The following PAPLN variants were observed in gnomAD, a reference collection of about 807,000 sequenced individuals.
The protein encoded by PAPLN is papilin.
A neutral mutation model predicts 159.0 loss-of-function variants in PAPLN; 146 were observed. The ratio of observed to expected loss-of-function variants is 0.92; its 90% CI spans 0.80 to 1.05. The LOEUF (loss-of-function observed/expected upper bound fraction) is 1.05. Among genes scored for constraint, PAPLN ranks in the 50% least tolerant of loss-of-function variants. The pLI, the probability that PAPLN is intolerant of heterozygous loss-of-function variation, is 0.00. For missense variants in PAPLN, 1,720 were observed against 1,743.9 expected, an observed-to-expected ratio of 0.99 and a Z score of 0.24; for synonymous variants, 734 against 702.9, an observed-to-expected ratio of 1.04 and a Z score of -0.70.
In PAPLN at chr14:73,272,497, C is replaced by T; in HGVS notation, c.3670C>T (p.Pro1224Ser). 2.6e-6 allele frequency: 4 copies of T among 1,533,642 alleles called. No individual in the cohort carries two copies. The highest frequency in any genetic ancestry group is 3.5e-6 in the Non-Finnish European group (4 of 1,127,602). ...CTCTCTCCCCTGTCGTTCTGCAGCA[C>T]CCACCGCCCAGCCCAGGGACCCTGG... Reference protein sequence around the residue: ...STEVKVVSPAPTAQPRDPGRD... With the variant: ...STEVKVVSPASTAQPRDPGRD... The change falls in exon 27 of 27, where the codon CCC becomes TCC. Residue 1224 changes from proline (P) to serine (S), a missense_variant and splice_region_variant. Physicochemically the swap from Pro to Ser is moderately conservative, Grantham distance 74. Transcript: ENST00000644200.
At chr14:73,239,916 C>A in intron 2 of PAPLN, 84 bp downstream of exon 2, 2 of 1,473,768 alleles carry the variant, frequency 1.4e-6, no homozygotes, top group South Asian at 1.3e-5. Context: ...GCAACGTCCC[C>A]AGGAAAGGGG....
intron 9 of PAPLN, 39 bp from the exon 10 acceptor site, chr14:73,251,979 C>T (rs765241574): frequency 1.3e-6 from 2 of 1,581,124 alleles, no homozygotes; most frequent in Non-Finnish European, 1.7e-6. Flanking sequence ...TGGGAGTGCT[C>T]CCCAGCAGCA....
chr14:73,244,718 A>T lies in PAPLN; in HGVS notation c.129A>T (p.Gly43=). ...GGAGCCCCTGCAGCCGGACCTGTGG[A>T]GGGGGTGTCAGCTTCCGGGAGCGCC... is the stretch of plus-strand genomic sequence containing the variant. ...SQWSPCSRTC[G]GGVSFRERPC... The change falls in exon 3 of 27, where the codon GGA becomes GGT. Residue 43 remains glycine, a synonymous_variant. Transcript: ENST00000644200. 1.3e-6 allele frequency: 2 copies of T among 1,593,966 alleles called. No homozygotes were observed. Among genetic ancestry groups the T allele is most frequent in the Non-Finnish European group, 8.5e-7 (1 of 1,170,724 alleles).
chr14:73,257,792 C>T (rs1886099653), intron 14 of PAPLN, among the ~76,000 whole-genome samples: 2 of 102,238 alleles, frequency 2.0e-5, no homozygotes, highest in Admixed American at 1.7e-4. Flanking sequence ...GAGACCTAGT[C>T]TCGCTCTGTC....
At chr14:73,250,212 G>A in intron 6 of PAPLN, 98 bp downstream of exon 6, 2 of 1,407,448 alleles carry the variant, frequency 1.4e-6, no homozygotes, top group South Asian at 3.1e-5. Flanking sequence ...TAGCTGCCAT[G>A]AGCTTGGTGT....
At chr14:73,247,886 CTCCGTGTGTGTGTGT>C (rs1464127424) in intron 5 of PAPLN, among the ~76,000 whole-genome samples, 3 of 75,598 alleles carry the variant, frequency 4.0e-5, no homozygotes, top group African/African-American at 1.7e-4. Flanking sequence ...GTCTCATATC[CTCCGTGTGTGTGTGT>C]GTGTGTGTGT....
Position 73,264,931 on chromosome 14 carries a change from C to T in PAPLN, c.3125+205C>T, listed in dbSNP as rs190426899. 2.0e-3 allele frequency among the ~76,000 whole-genome samples: 303 copies of T among 152,368 alleles called. 1 individual carries two copies. The highest frequency in any genetic ancestry group is 7.1e-3 in the African/African-American group (295 of 41,588). On this transcript the variant is annotated intron_variant, in intron 22 of 26. Transcript: ENST00000644200. Reference sequence around the variant, plus strand: ...TCTGGGAACGGTGCAGTTCTACAGGCTCAGGACTCAGGAACTGAGGAAGGG... The same window carrying T: ...TCTGGGAACGGTGCAGTTCTACAGGTTCAGGACTCAGGAACTGAGGAAGGG...
intron 18 of PAPLN, 93 bp from the exon 19 acceptor site, chr14:73,262,257 G>C: frequency 8.0e-7 from 1 of 1,249,284 alleles, no homozygotes; most frequent in Non-Finnish European, 1.1e-6. Context: ...AAGTGGGGAA[G>C]GGCCTGCTTC....
intron 1 of PAPLN, among the ~76,000 whole-genome samples, chr14:73,238,111 A>AG (rs1328862837): frequency 2.0e-5 from 3 of 151,908 alleles, no homozygotes; most frequent in Non-Finnish European, 4.4e-5. Flanking sequence ...ACCGATGCAG[A>AG]GGGGGGCCGT....
intron 11 of PAPLN, among the ~76,000 whole-genome samples, 187 bp downstream of exon 11, chr14:73,252,962 G>A (rs993029175): frequency 6.6e-6 from 1 of 152,170 alleles, no homozygotes; most frequent in Admixed American, 6.5e-5. Context: ...CCTGAGCCCG[G>A]GGCTGGTCTC....
intron 25 of PAPLN, 67 bp from the exon 26 acceptor site, chr14:73,268,490 C>A: frequency 6.6e-7 from 1 of 1,515,900 alleles, no homozygotes; most frequent in Non-Finnish European, 8.9e-7. Flanking sequence ...CTTTGATTAC[C>A]TCTTCCCTCT....
Position 73,252,524 on chromosome 14 carries a change from G to A in PAPLN, c.968-125G>A, listed in dbSNP as rs375928651. On this transcript the variant is annotated intron_variant, in intron 10 of 26. Coordinates refer to ENST00000644200, the MANE Select transcript of PAPLN (RefSeq NM_001365906.3). ...TTGGAGATGTGGTGGCACCTGCCTC[G>A]GGGGGGTCATCTAAGACTGAATGGG... 5.2e-5 allele frequency: 66 copies of A among 1,272,026 alleles called. No individual in the cohort carries two copies. The African/African-American group carries it at 6.4e-4, about 12-fold the overall frequency. The allele number at this position is 1,272,026 out of a possible 1,614,324, so 78.8% of individuals were successfully genotyped here.
intron 3 of PAPLN, 93 bp downstream of exon 3, chr14:73,244,852 CA>C: frequency 2.1e-6 from 2 of 953,284 alleles, no homozygotes; most frequent in Non-Finnish European, 3.1e-6. Flanking sequence ...CCTAGGCTAG[CA>C]CTGGCCACAT....
Position 73,245,983 on chromosome 14 carries a change from C to A in PAPLN, c.232-90C>A. ...GCTCCGATGGGGCAGGCAAGGGAGA[C>A]TCCTGGGCTCCCTGGGCTCGGGCGG... On this transcript the variant is annotated intron_variant, in intron 4 of 26. Transcript: ENST00000644200. This position sits in a 1 kb window ranked among gnomAD's most constrained non-coding sequence, Gnocchi z 4.2. 3 of 1,321,574 alleles carry A rather than the reference C, an allele frequency of 2.3e-6. No homozygotes were observed. Among genetic ancestry groups the A allele is most frequent in the Non-Finnish European group, 3.0e-6 (3 of 992,784 alleles). 81.9% of individuals were successfully genotyped at this position (1,321,574 alleles called of 1,614,324 possible).
chr14:73,274,459 G>A lies in PAPLN; in HGVS notation c.*1795G>A, dbSNP rs1887981797. 6.6e-6 allele frequency: 1 copy of A among 152,188 alleles called. No individual in the cohort carries two copies. Among genetic ancestry groups the A allele is most frequent in the African/African-American group, 2.4e-5 (1 of 41,432 alleles). The allele number at this position is 152,188 out of a possible 1,614,324, so 9.4% of individuals were successfully genotyped here. ...TGGAAAAGGGACAAACCACATCACG[G>A]GTGAGTGATACTTCTCAGTCTTCTC... On this transcript the variant is annotated 3_prime_UTR_variant, in exon 27 of 27. Coordinates refer to ENST00000644200, the MANE Select transcript of PAPLN (RefSeq NM_001365906.3).
chr14:73,268,863 C>T, intron 26 of PAPLN, 140 bp downstream of exon 26: 1 of 1,081,478 alleles, frequency 9.2e-7, no homozygotes, highest in Non-Finnish European at 1.3e-6. Context: ...TGACTTGGGG[C>T]AAGGGGCTTA....
Position 73,245,714 on chromosome 14 carries a change from C to T in PAPLN, c.231+18C>T, listed in dbSNP as rs767979023. On this transcript the variant is annotated intron_variant, in intron 4 of 26. Transcript: ENST00000644200. The surrounding 1 kb of genome is among the most constrained non-coding windows in gnomAD (Gnocchi z 4.2). The stretch of plus-strand genomic sequence containing the variant: ...GCACGGAGGTAAAGCTCACGGGGCG[C>T]GGGCGAAGGCACCAGCTTCCCCAGC... 94 of 1,539,868 alleles carry T rather than the reference C, an allele frequency of 6.1e-5. No individual in the cohort carries two copies. Among genetic ancestry groups the T allele is most frequent in the Non-Finnish European group, 7.8e-5 (89 of 1,147,170 alleles).
At chr14:73,244,849 T>G in intron 3 of PAPLN, 90 bp downstream of exon 3, 4 of 1,001,794 alleles carry the variant, frequency 4.0e-6, no homozygotes, top group Non-Finnish European at 5.8e-6. Flanking sequence ...TGGCCTAGGC[T>G]AGCACTGGCC....
chr14:73,250,800 C>G (rs1312285760), intron 6 of PAPLN, 107 bp from the exon 7 acceptor site: 17 of 1,365,924 alleles, frequency 1.2e-5, no homozygotes, highest in Middle Eastern at 2.3e-4. Flanking sequence ...TCCCGACCAC[C>G]CTATCCTGCC....
Sources: gnomAD v4.1 joint callset for allele counts (sites outside exome capture counted in the v4.1 genomes callset) on GRCh38, gnomAD v4.1.1 for gene constraint, Gnocchi (gnomAD v3.1) non-coding constraint, MANE v1.5 for transcripts, NCBI Gene and HGNC (gene_info 2026-07-23, HGNC 2026-07-21) for gene names.